EIF4A3: variants seen among roughly 807,000 people sequenced by gnomAD.
EIF4A3 encodes the protein eukaryotic translation initiation factor 4A3.
Under a neutral mutation model 55.6 loss-of-function variants are expected in EIF4A3, and 1 was observed. The observed-to-expected ratio is 0.02, with a 90% CI of 0.01 to 0.09. The LOEUF is 0.09. Ranked by LOEUF, EIF4A3 falls within the 10% of genes least tolerant of loss-of-function variation. The pLI is 1.00. For synonymous variants in EIF4A3, 194 were observed against 196.3 expected (o/e 0.99, Z 0.10); for missense variants, 221 against 540.7 (o/e 0.41, Z 5.86).
intron 1 of EIF4A3, among the ~76,000 whole-genome samples, chr17:80,145,080 G>A (rs2039648583): frequency 6.6e-6 from 1 of 152,232 alleles, no homozygotes; most frequent in Non-Finnish European, 1.5e-5. Context: ...TATAGCAGAT[G>A]ATTTAAACTC....
At chr17:80,137,675 G>A in intron 8 of EIF4A3, 174 bp from the exon 9 acceptor site, 3 of 584,658 alleles carry the variant, frequency 5.1e-6, no homozygotes, top group Non-Finnish European at 9.0e-6. Context: ...AAAATGTTGG[G>A]GTGCACTCAC....
chr17:80,140,799 A>G (rs1014952061), intron 4 of EIF4A3, among the ~76,000 whole-genome samples: 6 of 151,916 alleles, frequency 3.9e-5, no homozygotes, highest in Admixed American at 3.9e-4. Flanking sequence ...AATGGGTACA[A>G]TTTATTTTTT....
intron 8 of EIF4A3, 170 bp from the exon 9 acceptor site, chr17:80,137,671 T>C (rs896506165): frequency 3.4e-6 from 2 of 596,136 alleles, no homozygotes; most frequent in Non-Finnish European, 5.9e-6. Flanking sequence ...CCAGAAAATG[T>C]TGGGGTGCAC....
At chr17:80,135,919 A>T (rs981041854) in intron 11 of EIF4A3, 85 bp downstream of exon 11, 10 of 1,542,362 alleles carry the variant, frequency 6.5e-6, no homozygotes, top group African/African-American at 1.4e-5. Context: ...AAAACCCACA[A>T]CAACAAAAAA....
intron 1 of EIF4A3, among the ~76,000 whole-genome samples, chr17:80,144,733 G>A (rs760204388): frequency 2.1e-4 from 32 of 152,006 alleles, no homozygotes; most frequent in Non-Finnish European, 3.2e-4. Flanking sequence ...CTACTAGCTA[G>A]CATTAAGTCT....
chr17:80,144,373 T>G (rs2039641753), intron 1 of EIF4A3, 129 bp from the exon 2 acceptor site: 3 of 770,020 alleles, frequency 3.9e-6, no homozygotes, highest in African/African-American at 3.5e-5. Flanking sequence ...GTGTTCAACA[T>G]AGCAAGCTCT....
chr17:80,134,373 A>C lies in EIF4A3; in HGVS notation c.*1117T>G, dbSNP rs2039552631. Among the ~76,000 whole-genome samples, 2 of 152,318 alleles carry C rather than the reference A, an allele frequency of 1.3e-5. No individual in the cohort carries two copies. ...TACAGGTAATTACTTTAAATATTTC[A>C]ACAGATAACTTAAATACTTTAATAA... On this transcript the variant is annotated 3_prime_UTR_variant, in exon 12 of 12. Transcript: ENST00000649764.
At chr17:80,145,119 A>G (rs1463681780) in intron 1 of EIF4A3, among the ~76,000 whole-genome samples, 3 of 152,230 alleles carry the variant, frequency 2.0e-5, no homozygotes, top group Non-Finnish European at 4.4e-5. Flanking sequence ...ATAGATGGGA[A>G]ACTAACAACA....
At chr17:80,142,103 T>C (rs1317145948) in intron 2 of EIF4A3, among the ~76,000 whole-genome samples, 1 of 152,220 alleles carries the variant, frequency 6.6e-6, no homozygotes, top group Non-Finnish European at 1.5e-5. Flanking sequence ...AAGAGGTGTT[T>C]CATAGGTGTC....
At chr17:80,141,592 G>T in intron 3 of EIF4A3, 190 bp downstream of exon 3, 1 of 727,804 alleles carries the variant, frequency 1.4e-6, no homozygotes, top group East Asian at 2.7e-5. Context: ...GCTTCCTCTA[G>T]TTAAATAGAA....
intron 11 of EIF4A3, chr17:80,135,710 A>T: frequency 3.3e-6 from 2 of 615,044 alleles, no homozygotes; most frequent in African/African-American, 1.9e-5. Context: ...AGCCTGGCCA[A>T]CATGGTGAAA....
intron 7 of EIF4A3, 123 bp from the exon 8 acceptor site, chr17:80,138,403 C>G: frequency 8.7e-7 from 1 of 1,151,946 alleles, no homozygotes; most frequent in Non-Finnish European, 1.3e-6. Context: ...TGGTGCAGAC[C>G]CAGCAGCCCC....
intron 9 of EIF4A3, chr17:80,136,685 G>A (rs924345123): frequency 1.0e-4 from 23 of 229,880 alleles, no homozygotes; most frequent in African/African-American, 4.1e-4. Context: ...AACTTCAGCC[G>A]GGCATGGCGG....
chr17:80,141,254 G>T (rs2039616371), intron 4 of EIF4A3, 65 bp downstream of exon 4: 1 of 1,492,362 alleles, frequency 6.7e-7, no homozygotes, highest in Non-Finnish European at 9.2e-7. Flanking sequence ...ATAAGTCGGT[G>T]TTTCACAACT....
Position 80,137,377 on chromosome 17 carries a change from C to A in EIF4A3, c.983+9G>T. ...CCTGACCTGCAGAGCCACAGCATAG[C>A]AGACCCACCTGGCGCCCGACCGGAA... is the stretch of plus-strand genomic sequence containing the variant. On this transcript the variant is annotated intron_variant, in intron 9 of 11. Coordinates refer to ENST00000649764, the MANE Select transcript of EIF4A3 (RefSeq NM_014740.4). The A allele has an allele frequency of 1.9e-6, 3 of 1,612,012 alleles. No homozygotes were observed. Among genetic ancestry groups the A allele is most frequent in the Non-Finnish European group, 2.5e-6 (3 of 1,179,076 alleles).
rs2039669682 is a variant in EIF4A3, at chr17:80,146,892, T to G, written c.70A>C (p.Thr24Pro). Residue 24 changes from threonine to proline, a missense_variant, in exon 1 of 12, where the codon ACT becomes CCT. Physicochemically the swap from Thr to Pro is conservative, Grantham distance 38. This residue lies in a region of EIF4A3 where 43 missense variants were observed against 39.1 expected (regional missense o/e 1.10). Coordinates refer to ENST00000649764, the MANE Select transcript of EIF4A3 (RefSeq NM_014740.4). ...RKRLLKEEDM[T>P]KVEFETSEEV... The stretch of plus-strand genomic sequence containing the variant: ...TCGCTGGTCTCGAATTCCACTTTAG[T>G]CATGTCTTCCTCTTTGAGCAGCCGC... The G allele has an allele frequency of 6.2e-7, 1 of 1,611,304 alleles. No individual in the cohort carries two copies. Among genetic ancestry groups the G allele is most frequent in the Non-Finnish European group, 8.5e-7 (1 of 1,179,090 alleles).
At chr17:80,139,227 C>A in intron 6 of EIF4A3, 65 bp from the exon 7 acceptor site, 1 of 1,590,858 alleles carries the variant, frequency 6.3e-7, no homozygotes, top group East Asian at 2.2e-5. Context: ...GGAAGGTGCA[C>A]GCCCAGTGTT....
chr17:80,141,910 C>A (rs2039621909), intron 2 of EIF4A3, 62 bp from the exon 3 acceptor site: 2 of 1,426,980 alleles, frequency 1.4e-6, no homozygotes, highest in Admixed American at 3.5e-5. Flanking sequence ...CAGCTGCACT[C>A]CAAGGCCTGG....
intron 2 of EIF4A3, among the ~76,000 whole-genome samples, chr17:80,143,397 C>T (rs564909573): frequency 6.6e-6 from 1 of 152,314 alleles, no homozygotes; most frequent in East Asian, 1.9e-4. Context: ...GCTGCTTGGT[C>T]AGAAGTTCTA....
Sources: allele counts gnomAD v4.1 joint callset (sites outside exome capture counted in the v4.1 genomes callset), GRCh38; gene constraint gnomAD v4.1.1; regional missense constraint gnomAD v4.1.1; transcripts MANE v1.5; gene names NCBI Gene and HGNC (gene_info 2026-07-23, HGNC 2026-07-21).